Variants in PDE7B observed in about 807,000 individuals in gnomAD.
The protein encoded by PDE7B is phosphodiesterase 7B.
Under a neutral mutation model 56.2 loss-of-function variants are expected in PDE7B, and 29 were observed. That is an observed-to-expected ratio of 0.52 (90% CI 0.38 to 0.70). PDE7B has a LOEUF of 0.70. PDE7B is among the 30% of genes least tolerant of loss of function. The pLI is 0.00. For synonymous variants in PDE7B, 197 were observed against 196.9 expected, an observed-to-expected ratio of 1.00 and a Z score of 0.00; for missense variants, 490 against 565.0, an observed-to-expected ratio of 0.87 and a Z score of 1.35.
chr6:135,963,636 C>G (rs1338223816), intron 2 of PDE7B, among the ~76,000 whole-genome samples: 1 of 152,096 alleles, frequency 6.6e-6, no homozygotes, highest in Non-Finnish European at 1.5e-5. Context: ...TACAGCTTTT[C>G]TACCATCAAC....
At chr6:136,021,660 T>A (rs1213641545) in intron 2 of PDE7B, among the ~76,000 whole-genome samples, 2 of 147,876 alleles carry the variant, frequency 1.4e-5, no homozygotes, top group Non-Finnish European at 3.0e-5. Context: ...AAAAAAAAAA[T>A]CCTGAAACTG....
intron 1 of PDE7B, among the ~76,000 whole-genome samples, chr6:135,870,573 A>G (rs1028415473): frequency 6.6e-6 from 1 of 151,674 alleles, no homozygotes; most frequent in African/African-American, 2.4e-5. Context: ...TTTGAGAACA[A>G]TTGATTATAG....
chr6:136,063,120 C>T (rs143769275), intron 2 of PDE7B, among the ~76,000 whole-genome samples: 11 of 152,252 alleles, frequency 7.2e-5, no homozygotes, highest in East Asian at 1.9e-4. Context: ...CTAGTATTAG[C>T]GACCCTGCCT....
intron 1 of PDE7B, among the ~76,000 whole-genome samples, chr6:135,916,666 C>T (rs1773955470): frequency 6.6e-6 from 1 of 151,980 alleles, no homozygotes; most frequent in Admixed American, 6.6e-5. Context: ...GCTGGGATTA[C>T]AGGCGTTAGC....
intron 2 of PDE7B, chr6:136,072,800 GGGACACAT>G (rs1182222838): frequency 1.3e-5 from 2 of 152,150 alleles, no homozygotes; most frequent in Non-Finnish European, 2.9e-5. Context: ...GTGGAGCTGC[GGGACACAT>G]GTGCGATGGA....
intron 1 of PDE7B, among the ~76,000 whole-genome samples, chr6:135,915,210 T>C (rs1437640713): frequency 6.6e-6 from 1 of 152,216 alleles, no homozygotes; most frequent in Non-Finnish European, 1.5e-5. Context: ...TTGACGGACA[T>C]TTGGAGTTTT....
chr6:136,110,317 C>T (rs982146634), intron 3 of PDE7B, among the ~76,000 whole-genome samples: 3 of 152,160 alleles, frequency 2.0e-5, no homozygotes, highest in African/African-American at 7.2e-5. Context: ...GTTCCAGCTA[C>T]CCACGGAAGT....
At chr6:135,889,371 C>G (rs986644143) in intron 1 of PDE7B, among the ~76,000 whole-genome samples, 1 of 151,824 alleles carries the variant, frequency 6.6e-6, no homozygotes, top group African/African-American at 2.4e-5. Context: ...CTCAAGTGAT[C>G]CGCCTGCCTT....
chr6:136,177,606 C>T lies in PDE7B; in HGVS notation c.804-1391C>T, dbSNP rs561268569. 5.9e-5 allele frequency among the ~76,000 whole-genome samples: 9 copies of T among 152,196 alleles called. No homozygotes were observed. The South Asian group carries it at 1.9e-3, about 32-fold the overall frequency. On this transcript the variant is annotated intron_variant, in intron 9 of 12. Transcript: ENST00000308191. ...ACTACAGTGAGTTGCATGACATGCC[C>T]ATCAAACTAGCAAAAAATGTAAAGG...
chr6:135,908,411 G>A (rs950040982), intron 1 of PDE7B, among the ~76,000 whole-genome samples: 25 of 151,978 alleles, frequency 1.6e-4, no homozygotes, highest in Admixed American at 2.0e-4. Flanking sequence ...GCTTTTAGGA[G>A]TGTAAATTGG....
intron 8 of PDE7B, among the ~76,000 whole-genome samples, chr6:136,172,248 C>T (rs933286580): frequency 6.6e-6 from 1 of 152,114 alleles, no homozygotes; most frequent in African/African-American, 2.4e-5. Context: ...GTTTACAGTC[C>T]CACCAACAGT....
At chr6:136,003,361 C>A in intron 2 of PDE7B, among the ~76,000 whole-genome samples, 1 of 151,882 alleles carries the variant, frequency 6.6e-6, no homozygotes, top group South Asian at 2.1e-4. Flanking sequence ...CAGAGCAGAA[C>A]TGAAGGAAAT....
At chr6:136,183,208 G>A (rs904528204) in intron 11 of PDE7B, among the ~76,000 whole-genome samples, 1 of 151,996 alleles carries the variant, frequency 6.6e-6, no homozygotes, top group South Asian at 2.1e-4. Flanking sequence ...ACCTTCCTCT[G>A]GCATGTTTCC....
intron 2 of PDE7B, among the ~76,000 whole-genome samples, chr6:136,041,856 C>T (rs766812626): frequency 1.3e-5 from 2 of 152,090 alleles, no homozygotes; most frequent in Admixed American, 6.5e-5. Flanking sequence ...ATAAGGCATC[C>T]GGGATCACAC....
At chr6:136,011,649 C>A (rs1775896922) in intron 2 of PDE7B, among the ~76,000 whole-genome samples, 1 of 152,124 alleles carries the variant, frequency 6.6e-6, no homozygotes, top group African/African-American at 2.4e-5. Flanking sequence ...CTAATCAGTG[C>A]AGGGAAGCAT....
At chr6:136,128,449 G>A (rs983251413) in intron 3 of PDE7B, among the ~76,000 whole-genome samples, 6 of 152,118 alleles carry the variant, frequency 3.9e-5, no homozygotes, top group South Asian at 4.2e-4. Context: ...CTTGTTACAC[G>A]TGTTTTACTG....
At chr6:136,083,219 A>AACC (rs1413119065) in intron 2 of PDE7B, among the ~76,000 whole-genome samples, 1 of 152,202 alleles carries the variant, frequency 6.6e-6, no homozygotes, top group Non-Finnish European at 1.5e-5. Flanking sequence ...CTGAGGGTGG[A>AACC]ACCCTGATAT....
At chr6:135,988,244 G>A (rs982450862) in intron 2 of PDE7B, among the ~76,000 whole-genome samples, 4 of 152,080 alleles carry the variant, frequency 2.6e-5, no homozygotes, top group Non-Finnish European at 5.9e-5. Context: ...GTAGAAGAAG[G>A]ATTTGACGTC....
At position 135,970,680 on chromosome 6, in the gene PDE7B, G is replaced by A. The variant is rs115065712; in HGVS notation, c.82+23156G>A. ...TTATATGTGCAGTGTTCTGAACAAG[G>A]AGTGGCATAACTTATATTTTTAGAG... is the stretch of plus-strand genomic sequence containing the variant. On this transcript the variant is annotated intron_variant, in intron 2 of 12. Transcript: ENST00000308191. Among the ~76,000 whole-genome samples the A allele has an allele frequency of 2.9e-3, 436 of 152,250 alleles. 5 individuals carry two copies. The highest frequency in any genetic ancestry group is 9.6e-3 in the African/African-American group (398 of 41,546).
Sources: gnomAD v4.1 joint callset for allele counts (sites outside exome capture counted in the v4.1 genomes callset) on GRCh38, gnomAD v4.1.1 for gene constraint, MANE v1.5 for transcripts, NCBI Gene and HGNC (gene_info 2026-07-23, HGNC 2026-07-21) for gene names.